PKIA: variants seen among roughly 807,000 people sequenced by gnomAD.
The protein encoded by PKIA is PKI-alpha.
A neutral mutation model predicts 7.6 loss-of-function variants in PKIA; 4 were observed. That is an observed-to-expected ratio of 0.52 (90% CI 0.26 to 1.20). The LOEUF is 1.20. Ranked by LOEUF, PKIA falls within the 50% of genes most tolerant of loss-of-function variation. PKIA has a pLI of 0.13. For synonymous variants in PKIA, 21 were observed against 30.7 expected, an observed-to-expected ratio of 0.68 and a Z score of 1.04; for missense variants, 73 against 86.2, an observed-to-expected ratio of 0.85 and a Z score of 0.61.
chr8:78,539,418 T>A (rs1169148108), intron 1 of PKIA, among the ~76,000 whole-genome samples: 1 of 152,112 alleles, frequency 6.6e-6, no homozygotes, highest in Non-Finnish European at 1.5e-5. Flanking sequence ...TCTGACTCCA[T>A]TTACTTCTGT....
At chr8:78,552,458 A>C (rs1585891584) in intron 1 of PKIA, among the ~76,000 whole-genome samples, 1 of 151,968 alleles carries the variant, frequency 6.6e-6, no homozygotes, top group East Asian at 1.9e-4. Context: ...CCGTGAGTCA[A>C]AATGAAAAAG....
chr8:78,540,772 C>A (rs1202039920), intron 1 of PKIA, among the ~76,000 whole-genome samples: 1 of 151,676 alleles, frequency 6.6e-6, no homozygotes, highest in Non-Finnish European at 1.5e-5. Context: ...ACTCTAATTA[C>A]AATGATTCCA....
chr8:78,558,828 T>C lies in PKIA; in HGVS notation c.-156-13983T>C, dbSNP rs147086875. ...ATACTTAAACCAGTGCAGATTAGTT[T>C]TAATGTAAATGTTATAATAATAATG... On this transcript the variant is annotated intron_variant, in intron 1 of 3. Transcript: ENST00000396418. 3.1e-3 allele frequency among the ~76,000 whole-genome samples: 474 copies of C among 152,342 alleles called. 2 individuals carry two copies. Among genetic ancestry groups the C allele is most frequent in the African/African-American group, 0.011 (441 of 41,580 alleles).
intron 1 of PKIA, among the ~76,000 whole-genome samples, chr8:78,542,094 T>C (rs536911138): frequency 3.3e-5 from 5 of 152,222 alleles, no homozygotes; most frequent in South Asian, 2.1e-4. Context: ...GCCTGAAAGA[T>C]AGAAGATGCA....
chr8:78,539,192 G>C (rs965348230), intron 1 of PKIA, among the ~76,000 whole-genome samples: 8 of 151,946 alleles, frequency 5.3e-5, no homozygotes, highest in African/African-American at 1.9e-4. Context: ...TAACATTTGG[G>C]CTATATCAAA....
chr8:78,598,581 C>A (rs371920242), intron 3 of PKIA, 46 bp downstream of exon 3: 3 of 1,490,788 alleles, frequency 2.0e-6, no homozygotes, highest in South Asian at 1.2e-5. Flanking sequence ...GAATGATTTG[C>A]GGCATTTTAC....
intron 1 of PKIA, among the ~76,000 whole-genome samples, chr8:78,564,350 T>A (rs892840401): frequency 1.3e-5 from 2 of 151,860 alleles, no homozygotes; most frequent in African/African-American, 4.8e-5. Flanking sequence ...AGGAATAAGT[T>A]ATGAAGAGGC....
chr8:78,575,267 C>CTT (rs141050081), intron 2 of PKIA, among the ~76,000 whole-genome samples: 2 of 151,642 alleles, frequency 1.3e-5, no homozygotes, highest in Non-Finnish European at 2.9e-5. Context: ...TTCTCTGGTT[C>CTT]TTTTTTTGTC....
At chr8:78,600,493 T>C (rs999020867) in intron 3 of PKIA, among the ~76,000 whole-genome samples, 1 of 152,052 alleles carries the variant, frequency 6.6e-6, no homozygotes, top group African/African-American at 2.4e-5. Context: ...TCATCTTGTA[T>C]TTATACAATC....
intron 1 of PKIA, among the ~76,000 whole-genome samples, chr8:78,524,671 T>C (rs1462031639): frequency 6.6e-6 from 1 of 151,906 alleles, no homozygotes; most frequent in African/African-American, 2.4e-5. Flanking sequence ...TTTCATCTTC[T>C]CCATATTAGA....
rs1488860354 is a variant in PKIA, at chr8:78,602,937, T to C, written c.*1116T>C. 1 of 152,228 alleles carries C rather than the reference T, an allele frequency of 6.6e-6. No individual in the cohort carries two copies. The highest frequency in any genetic ancestry group is 2.4e-5 in the African/African-American group (1 of 41,372). 9.4% of individuals were successfully genotyped at this position (152,228 alleles called of 1,614,324 possible). On this transcript the variant is annotated 3_prime_UTR_variant, in exon 4 of 4. Transcript: ENST00000396418. Reference sequence around the variant, plus strand: ...CAATCACAAAAGTAAAGCCCTGGTGTTGTGTTTTCATGTCTTTTTTCAGCC... The same window carrying C: ...CAATCACAAAAGTAAAGCCCTGGTGCTGTGTTTTCATGTCTTTTTTCAGCC...
intron 1 of PKIA, among the ~76,000 whole-genome samples, chr8:78,521,858 T>C (rs1364663265): frequency 2.0e-5 from 3 of 151,922 alleles, no homozygotes; most frequent in Non-Finnish European, 4.4e-5. Flanking sequence ...CATTAAACAA[T>C]AACCGTTCAT....
At chr8:78,551,600 A>G in intron 1 of PKIA, among the ~76,000 whole-genome samples, 1 of 152,078 alleles carries the variant, frequency 6.6e-6, no homozygotes, top group South Asian at 2.1e-4. Context: ...CAAAATAAAA[A>G]TAGAATCTAT....
At chr8:78,546,614 A>C (rs922830581) in intron 1 of PKIA, among the ~76,000 whole-genome samples, 3 of 152,322 alleles carry the variant, frequency 2.0e-5, no homozygotes, top group Non-Finnish European at 2.9e-5. Flanking sequence ...AAATTAAATG[A>C]GATGTGGAGC....
At chr8:78,549,365 A>G (rs1806919961) in intron 1 of PKIA, among the ~76,000 whole-genome samples, 1 of 151,934 alleles carries the variant, frequency 6.6e-6, no homozygotes, top group African/African-American at 2.4e-5. Flanking sequence ...TGGTTTTACA[A>G]GTTTTATAAT....
intron 1 of PKIA, among the ~76,000 whole-genome samples, chr8:78,570,704 G>A (rs1455677562): frequency 6.6e-6 from 1 of 151,822 alleles, no homozygotes; most frequent in Non-Finnish European, 1.5e-5. Flanking sequence ...TCTTTATCTG[G>A]CTGCTACCAT....
chr8:78,583,132 A>G (rs1437605802), intron 2 of PKIA, among the ~76,000 whole-genome samples: 1 of 152,146 alleles, frequency 6.6e-6, no homozygotes, highest in African/African-American at 2.4e-5. Context: ...GGTTTTTCTT[A>G]CTTCAAAGGC....
At position 78,603,803 on chromosome 8, in the gene PKIA, T is replaced by A. The variant is rs981700383; in HGVS notation, c.*1982T>A. ...AAGGTTGTGAAATTCCAAACTGATT[T>A]TATGTGATTTTGAAAAGTTTAGAAC... On this transcript the variant is annotated 3_prime_UTR_variant, in exon 4 of 4. Transcript: ENST00000396418. The A allele has an allele frequency of 7.2e-5, 11 of 152,012 alleles. No individual in the cohort carries two copies. Among genetic ancestry groups the A allele is most frequent in the Admixed American group, 2.0e-4 (3 of 15,224 alleles). 9.4% of individuals were successfully genotyped at this position (152,012 alleles called of 1,614,324 possible).
chr8:78,545,469 G>A (rs141066001), intron 1 of PKIA, among the ~76,000 whole-genome samples: 6 of 152,038 alleles, frequency 3.9e-5, no homozygotes, highest in Admixed American at 6.6e-5. Context: ...CAGTAACTCC[G>A]ATAAACAGTT....
Sources: gnomAD v4.1 joint callset for allele counts (sites outside exome capture counted in the v4.1 genomes callset) on GRCh38, gnomAD v4.1.1 for gene constraint, MANE v1.5 for transcripts, NCBI Gene and HGNC (gene_info 2026-07-23, HGNC 2026-07-21) for gene names.